CHAT: variants seen among roughly 807,000 people sequenced by gnomAD.
CHAT encodes choline O-acetyltransferase.
Under a neutral mutation model 76.9 loss-of-function variants are expected in CHAT, and 61 were observed. The ratio of observed to expected loss-of-function variants is 0.79; its 90% CI spans 0.65 to 0.98. The LOEUF is 0.98. Among genes scored for constraint, CHAT ranks in the 50% least tolerant of loss-of-function variants. The probability of loss-of-function intolerance (pLI) is 0.00; values close to 1 mark genes in which losing one functional copy is unlikely to be tolerated. For missense variants in CHAT, 946 were observed against 986.9 expected (o/e 0.96, Z 0.56); for synonymous variants, 407 against 397.4 (o/e 1.02, Z -0.29).
chr10:49,642,204 C>T (rs949070095), intron 7 of CHAT, among the ~76,000 whole-genome samples: 4 of 152,226 alleles, frequency 2.6e-5, no homozygotes, highest in African/African-American at 4.8e-5. Context: ...TGGCTCCTGC[C>T]GTGCGCCTTC....
At chr10:49,620,762 C>T in intron 4 of CHAT, 149 bp downstream of exon 4, 1 of 699,996 alleles carries the variant, frequency 1.4e-6, no homozygotes, top group South Asian at 1.5e-5. Context: ...TCCAGGCCAT[C>T]AGGTGGGGAG....
At chr10:49,621,875 TTAGTGCAGGAACCACATC>T (rs1362750330) in intron 4 of CHAT, among the ~76,000 whole-genome samples, 5 of 54,616 alleles carry the variant, frequency 9.2e-5, no homozygotes, top group African/African-American at 4.1e-4. Context: ...CCACATCTGA[TTAGTGCAGGAACCACATC>T]TGATTAGTGC....
chr10:49,611,723 G>T, upstream of CHAT: 1 of 1,606,530 alleles, frequency 6.2e-7, no homozygotes, highest in Non-Finnish European at 8.5e-7. Flanking sequence ...TGGGAGATGG[G>T]CATGGCCTGG....
intron 8 of CHAT, chr10:49,648,083 T>G: frequency 4.1e-6 from 1 of 242,280 alleles, no homozygotes; most frequent in Non-Finnish European, 8.1e-6. Flanking sequence ...TGAGTTTCTT[T>G]GTAGAATGGG....
At chr10:49,644,264 TTGTC>T (rs1243573445) in intron 7 of CHAT, among the ~76,000 whole-genome samples, 1 of 151,778 alleles carries the variant, frequency 6.6e-6, no homozygotes, top group Non-Finnish European at 1.5e-5. Flanking sequence ...GGGCAGGAGG[TTGTC>T]TGTGAGGTCC....
chr10:49,663,716 C>CTGGA (rs1840269562), intron 14 of CHAT, among the ~76,000 whole-genome samples: 1 of 152,168 alleles, frequency 6.6e-6, no homozygotes, highest in African/African-American at 2.4e-5. Flanking sequence ...ATGGGCAGTA[C>CTGGA]TGGAGTTGAT....
chr10:49,629,613 G>T (rs916181265), intron 7 of CHAT, among the ~76,000 whole-genome samples: 3 of 152,210 alleles, frequency 2.0e-5, no homozygotes, highest in Non-Finnish European at 4.4e-5. Context: ...TGGCTGGATT[G>T]CCCCAAGGTC....
chr10:49,628,505 GC>G (rs546751346), intron 7 of CHAT, among the ~76,000 whole-genome samples: 1 of 152,270 alleles, frequency 6.6e-6, no homozygotes, highest in Non-Finnish European at 1.5e-5. Context: ...GTTACTGAGG[GC>G]CCTGGGCTTG....
Position 49,625,338 on chromosome 10 carries a change from A to C in CHAT, c.753-135A>C, listed in dbSNP as rs12265074. 20,365 of 784,938 alleles carry C rather than the reference A, an allele frequency of 0.026. 2,656 individuals carry two copies. The African/African-American group carries it at 0.3, about 11-fold the overall frequency. 48.6% of individuals were successfully genotyped at this position (784,938 alleles called of 1,614,324 possible). On this transcript the variant is annotated intron_variant, in intron 5 of 14. Transcript: ENST00000337653. ...TAAAAAGTGGAGAATTGAGCTCTGCATCTGCCATGATGATGCAGTTCTGGG... is the reference window on the plus strand; with the variant it reads ...TAAAAAGTGGAGAATTGAGCTCTGCCTCTGCCATGATGATGCAGTTCTGGG...
Position 49,616,526 on chromosome 10 carries a change from CA to C in CHAT, c.312del (p.Gly105AspfsTer95). 6.2e-7 allele frequency: 1 copy of C among 1,612,968 alleles called. No homozygotes were observed. The highest frequency in any genetic ancestry group is 2.2e-5 in the East Asian group (1 of 44,802). ...RAGPHLCIPA[P>X]GLTKTPILEK... ...GGTCCACACCTCTGCATCCCTGCACCAGGACTCACCAAGACGCCCATCCTGG... is the reference window on the plus strand; with the variant it reads ...GGTCCACACCTCTGCATCCCTGCACCGGACTCACCAAGACGCCCATCCTGG... On this transcript the variant is annotated frameshift_variant, in exon 2 of 15. Transcript: ENST00000337653. LOFTEE classifies it high-confidence loss of function.
upstream of CHAT, chr10:49,612,232 C>A (rs772362067): frequency 3.1e-6 from 5 of 1,609,290 alleles, no homozygotes; most frequent in Admixed American, 3.3e-5. Context: ...CGATGCGGTG[C>A]GCCTGCGTGA....
rs1288648346 is a variant in CHAT at position 49,648,581 on chromosome 10, G to A, written c.1356G>A (p.Gln452=). The stretch of plus-strand genomic sequence containing the variant: ...CATTCGATGGCATCGTCCTGGTGCA[G>A]TGCACTGAGCATCTGCTCAAGCACG... ...HSPFDGIVLV[Q]CTEHLLKHVT... The change falls in exon 9 of 15, where the codon CAG becomes CAA. Residue 452 remains glutamine (Q), a synonymous_variant. Coordinates refer to ENST00000337653, the MANE Select transcript of CHAT (RefSeq NM_020549.5). 2 of 1,613,692 alleles carry A rather than the reference G, an allele frequency of 1.2e-6. No individual in the cohort carries two copies. Among genetic ancestry groups the A allele is most frequent in the Non-Finnish European group, 1.7e-6 (2 of 1,179,688 alleles).
intron 10 of CHAT, 61 bp downstream of exon 10, chr10:49,649,697 T>G (rs1839807940): frequency 1.9e-6 from 3 of 1,593,502 alleles, no homozygotes; most frequent in Non-Finnish European, 2.6e-6. Context: ...CCTTGCCTAC[T>G]AGCTCCCAAG....
At chr10:49,625,682 G>A in intron 6 of CHAT, 29 bp downstream of exon 6, 2 of 1,551,930 alleles carry the variant, frequency 1.3e-6, no homozygotes, top group Non-Finnish European at 1.7e-6. Context: ...TGGTGAGGGA[G>A]GGCACAGAGC....
At chr10:49,640,860 G>A (rs1349328093) in intron 7 of CHAT, among the ~76,000 whole-genome samples, 1 of 152,104 alleles carries the variant, frequency 6.6e-6, no homozygotes, top group Non-Finnish European at 1.5e-5. Flanking sequence ...TTGTTTGTTT[G>A]TTTTTAACTA....
chr10:49,661,532 G>A (rs1398484540), intron 13 of CHAT: 6 of 152,226 alleles, frequency 3.9e-5, no homozygotes, highest in Non-Finnish European at 1.5e-5. Flanking sequence ...GCAACTGAAA[G>A]AGAACAGCTG....
upstream of CHAT, among the ~76,000 whole-genome samples, chr10:49,609,804 G>A (rs1016549260): frequency 6.6e-6 from 1 of 152,182 alleles, no homozygotes; most frequent in East Asian, 1.9e-4. Flanking sequence ...GCGCTCCTCC[G>A]GACGCGGCTC....
rs766916844 is a variant in CHAT, at chr10:49,614,365, C to T, written c.176C>T (p.Pro59Leu). 1.3e-6 allele frequency: 2 copies of T among 1,545,052 alleles called. No homozygotes were observed. The highest frequency in any genetic ancestry group is 1.7e-6 in the Non-Finnish European group (2 of 1,144,936). The change falls in exon 1 of 15, where the codon CCC becomes CTC. Residue 59 changes from proline (P) to leucine (L), a missense_variant. Physicochemically the swap from Pro to Leu is moderately conservative, Grantham distance 98. Around this residue, in one of 3 missense-constraint regions of CHAT, gnomAD observed 548 missense variants for 516.2 expected, o/e 1.06. Coordinates refer to ENST00000337653, the MANE Select transcript of CHAT (RefSeq NM_020549.5). ...CCTGCCGGGAACCCAGGCTGCAGCCCCCACCCCCGCGCTGCGACACGCCCC... is the reference window on the plus strand; with the variant it reads ...CCTGCCGGGAACCCAGGCTGCAGCCTCCACCCCCGCGCTGCGACACGCCCC... Reference protein sequence around the residue: ...GGPAGNPGCSPHPRAATRPPP... With the variant: ...GGPAGNPGCSLHPRAATRPPP...
rs868749 is a variant in CHAT at position 49,625,616 on chromosome 10, C to G, written c.896C>G (p.Pro299Arg). 5 of 1,594,968 alleles carry G rather than the reference C, an allele frequency of 3.1e-6. No individual in the cohort carries two copies. Among genetic ancestry groups the G allele is most frequent in the African/African-American group, 1.3e-5 (1 of 74,562 alleles). The change falls in exon 6 of 15, where the codon CCG (proline) becomes CGG (arginine). Residue 299 changes from proline to arginine, a missense_variant. Physicochemically the swap from Pro to Arg is moderately radical, Grantham distance 103. Transcript: ENST00000337653. ...GTGGCTCAGAACAGCAGCATCATGC[C>G]GGAGCCTGAGCACGTCATCGTAGCC... ...TLVAQNSSIM[P>R]EPEHVIVACC...
Sources: allele counts gnomAD v4.1 joint callset (sites outside exome capture counted in the v4.1 genomes callset), GRCh38; gene constraint gnomAD v4.1.1; regional missense constraint gnomAD v4.1.1; transcripts MANE v1.5; gene names NCBI Gene and HGNC (gene_info 2026-07-23, HGNC 2026-07-21).